Variants in ABTB3 observed in about 807,000 individuals in gnomAD.
ABTB3 encodes ankyrin repeat- and BTB/POZ domain-containing protein 3.
the ABTB3 span, among the ~76,000 whole-genome samples, chr12:107,500,328 G>A: frequency 6.6e-6 from 1 of 152,124 alleles, no homozygotes; most frequent in African/African-American, 2.4e-5. Context: ...TCGTTGTCTG[G>A]ATTGTGCTTC....
At chr12:107,357,647 T>A in the ABTB3 span, among the ~76,000 whole-genome samples, 8 of 152,194 alleles carry the variant, frequency 5.3e-5, no homozygotes, top group African/African-American at 1.9e-4. Flanking sequence ...AAATAAGTGA[T>A]ATCTGCTTAC....
chr12:107,612,504 T>C, the ABTB3 span, among the ~76,000 whole-genome samples: 2 of 152,220 alleles, frequency 1.3e-5, no homozygotes, highest in East Asian at 3.8e-4. Context: ...CCCTTAGGTC[T>C]GTTGCACCCT....
the ABTB3 span, among the ~76,000 whole-genome samples, chr12:107,492,372 C>T: frequency 2.0e-5 from 3 of 152,178 alleles, no homozygotes; most frequent in Admixed American, 6.5e-5. Context: ...GTGCTAGGCA[C>T]TGTTCCTCTC....
chr12:107,359,932 C>T, the ABTB3 span, among the ~76,000 whole-genome samples: 2 of 152,076 alleles, frequency 1.3e-5, no homozygotes, highest in African/African-American at 4.8e-5. Flanking sequence ...TTTATCTCTT[C>T]CCTTACTTTC....
At chr12:107,581,118 A>G in the ABTB3 span, 1 of 1,546,466 alleles carries the variant, frequency 6.5e-7, no homozygotes, top group South Asian at 1.2e-5. Context: ...GGGAGGCCCT[A>G]ACGCGCGTCT....
the ABTB3 span, among the ~76,000 whole-genome samples, chr12:107,397,995 G>C: frequency 6.6e-6 from 1 of 152,038 alleles, no homozygotes; most frequent in African/African-American, 2.4e-5. Context: ...CATAATTGTG[G>C]GAAATGCTAT....
the ABTB3 span, chr12:107,619,956 C>CA: frequency 6.4e-7 from 1 of 1,563,644 alleles, no homozygotes; most frequent in South Asian, 1.2e-5. Context: ...CCTCCCCTGC[C>CA]ACCTTCCCTG....
At chr12:107,405,790 C>T in the ABTB3 span, among the ~76,000 whole-genome samples, 1 of 152,192 alleles carries the variant, frequency 6.6e-6, no homozygotes, top group East Asian at 1.9e-4. Context: ...TCTTTCCTGT[C>T]CTCCTAGGGC....
chr12:107,617,389 C>T, the ABTB3 span: 2 of 1,614,164 alleles, frequency 1.2e-6, no homozygotes, highest in Non-Finnish European at 1.7e-6. Flanking sequence ...CTACAACCCC[C>T]CAGGGTGATA....
the ABTB3 span, among the ~76,000 whole-genome samples, chr12:107,487,559 G>A: frequency 1.2e-4 from 18 of 152,126 alleles, no homozygotes; most frequent in African/African-American, 4.1e-4. Flanking sequence ...TGACTTGGCT[G>A]CCTTTTCAAA....
the ABTB3 span, among the ~76,000 whole-genome samples, chr12:107,441,774 C>CAAAAAAAAAA: frequency 2.2e-3 from 177 of 80,014 alleles, 8 homozygotes; most frequent in East Asian, 9.4e-3. Flanking sequence ...CTTGTCTCTA[C>CAAAAAAAAAA]AAAAAAAAAA....
the ABTB3 span, among the ~76,000 whole-genome samples, chr12:107,500,245 G>C: frequency 1.5e-3 from 223 of 152,316 alleles, no homozygotes; most frequent in African/African-American, 5.0e-3. Flanking sequence ...GGTGAGGGAA[G>C]AGCCTGCGCC....
the ABTB3 span, among the ~76,000 whole-genome samples, chr12:107,613,320 C>T: frequency 6.6e-6 from 1 of 152,168 alleles, no homozygotes; most frequent in South Asian, 2.1e-4. Context: ...CGCAGATCCT[C>T]CACGCTCCCC....
chr12:107,475,013 CT>C, the ABTB3 span, among the ~76,000 whole-genome samples: 1 of 152,170 alleles, frequency 6.6e-6, no homozygotes, highest in African/African-American at 2.4e-5. Context: ...CTCCTGGTTT[CT>C]TTGGCTCTCC....
the ABTB3 span, among the ~76,000 whole-genome samples, chr12:107,453,699 T>C: frequency 6.6e-6 from 1 of 152,054 alleles, no homozygotes; most frequent in African/African-American, 2.4e-5. Flanking sequence ...ATTCCTCTGG[T>C]AAACCAGAAA....
chr12:107,518,144 C>T, the ABTB3 span, among the ~76,000 whole-genome samples: 1,469 of 152,284 alleles, frequency 9.6e-3, 17 homozygotes, highest in Admixed American at 0.014. Context: ...GAAATAGGAA[C>T]ATTTTTACAC....
the ABTB3 span, chr12:107,610,204 T>C: frequency 7.4e-6 from 12 of 1,613,986 alleles, no homozygotes; most frequent in Non-Finnish European, 1.0e-5. Flanking sequence ...GACGACTGCT[T>C]TTGTGCATCT....
the ABTB3 span, among the ~76,000 whole-genome samples, chr12:107,439,336 C>T: frequency 6.6e-6 from 1 of 152,212 alleles, no homozygotes. Flanking sequence ...TCAGACCAAT[C>T]AGCTCCTCAC....
the ABTB3 span, chr12:107,318,660 G>A: frequency 2.3e-6 from 1 of 433,826 alleles, no homozygotes; most frequent in Non-Finnish European, 4.1e-6. Context: ...GGAAGAAAGG[G>A]GCAAGCCCCG....
Sources: allele counts gnomAD v4.1 joint callset (sites outside exome capture counted in the v4.1 genomes callset), GRCh38; gene constraint gnomAD v4.1.1; transcripts MANE v1.5; gene names NCBI Gene and HGNC (gene_info 2026-07-23, HGNC 2026-07-21).